ARHGEF6: variants seen among roughly 807,000 people sequenced by gnomAD.
The protein encoded by ARHGEF6 is Rac/Cdc42 guanine nucleotide exchange factor 6.
A neutral mutation model predicts 70.3 loss-of-function variants in ARHGEF6; 9 were observed. The ratio of observed to expected loss-of-function variants is 0.13; its 90% CI spans 0.08 to 0.22. ARHGEF6 has a LOEUF of 0.22. Among genes scored for constraint, ARHGEF6 ranks in the 10% least tolerant of loss-of-function variants. The pLI is 1.00. For missense variants in ARHGEF6, 470 were observed against 563.0 expected (o/e 0.83, Z 1.67); for synonymous variants, 201 against 207.8 (o/e 0.97, Z 0.28).
In ARHGEF6 at chrX:136,668,512, TTTC is replaced by T. The variant is rs546433801; in HGVS notation, c.2191-346_2191-344del. ...CACAATCTCAACTGTCAGCCTGGTA[TTTC>T]TTCTTCTTCTTCTTCTTCTTATTAT... On this transcript the variant is annotated intron_variant, in intron 21 of 21. Coordinates refer to ENST00000250617, the MANE Select transcript of ARHGEF6 (RefSeq NM_004840.3). Among the ~76,000 whole-genome samples, 270 of 98,370 alleles carry T rather than the reference TTTC, an allele frequency of 2.7e-3. 1 individual carries two copies. The highest frequency in any genetic ancestry group is 8.6e-3 in the African/African-American group (211 of 24,597). The allele number at this position is 98,370 out of a possible 115,157, so 85.4% of individuals were successfully genotyped here. A position where few individuals can be genotyped will look rare whatever the true frequency, so the allele number is the denominator to read the frequency against.
At chrX:136,671,181 A>T in intron 20 of ARHGEF6, among the ~76,000 whole-genome samples, 1 of 112,332 alleles carries the variant, frequency 8.9e-6, no homozygotes, top group East Asian at 2.8e-4. Context: ...AGATGAGGAA[A>T]CTGAGGCACA....
At chrX:136,756,386 A>G (rs2077207581) in intron 2 of ARHGEF6, among the ~76,000 whole-genome samples, 1 of 111,773 alleles carries the variant, frequency 8.9e-6, no homozygotes, top group African/African-American at 3.3e-5. Flanking sequence ...TGCCATCACA[A>G]AGCACCATGA....
At chrX:136,699,076 G>A (rs1311306817) in intron 9 of ARHGEF6, among the ~76,000 whole-genome samples, 1 of 111,514 alleles carries the variant, frequency 9.0e-6, no homozygotes, top group East Asian at 2.8e-4. Context: ...AATAGAAATG[G>A]TAAATAAGAA....
chrX:136,764,050 T>G (rs1343338793), intron 2 of ARHGEF6, among the ~76,000 whole-genome samples: 1 of 111,128 alleles, frequency 9.0e-6, no homozygotes, highest in African/African-American at 3.3e-5. Flanking sequence ...GGTATCTCCT[T>G]CTGTATGGTT....
intron 6 of ARHGEF6, among the ~76,000 whole-genome samples, chrX:136,730,701 G>A (rs1284469045): frequency 8.9e-6 from 1 of 112,055 alleles, no homozygotes; most frequent in Non-Finnish European, 1.9e-5. Flanking sequence ...ATGCAGAATT[G>A]TCTATTACAG....
intron 2 of ARHGEF6, chrX:136,767,155 G>T (rs1367129137): frequency 2.7e-6 from 2 of 753,587 alleles, no homozygotes; most frequent in Non-Finnish European, 3.1e-6. Context: ...TGGCTCGGCC[G>T]CTGCCCGCCT....
chrX:136,679,439 C>T, intron 16 of ARHGEF6, 96 bp downstream of exon 16: 1 of 1,030,529 alleles, frequency 9.7e-7, no homozygotes, highest in Non-Finnish European at 1.4e-6. Flanking sequence ...ATAATACCAT[C>T]TATCTTAAAT....
At chrX:136,701,770 C>A (rs771263497) in intron 9 of ARHGEF6, among the ~76,000 whole-genome samples, 50 of 98,029 alleles carry the variant, frequency 5.1e-4, no homozygotes, top group African/African-American at 1.8e-3. Context: ...TGCAGTGGCG[C>A]CATCTTGGCT....
At chrX:136,742,573 G>A (rs1878849815) in intron 5 of ARHGEF6, among the ~76,000 whole-genome samples, 1 of 111,676 alleles carries the variant, frequency 9.0e-6, no homozygotes, top group Admixed American at 9.5e-5. Flanking sequence ...TATTGTGAGG[G>A]ACATATTCTT....
chrX:136,763,941 T>C (rs1010934639), intron 2 of ARHGEF6, among the ~76,000 whole-genome samples: 7 of 111,647 alleles, frequency 6.3e-5, no homozygotes, highest in African/African-American at 2.0e-4. Flanking sequence ...ACGAGCAGTA[T>C]AAAGGTAGCT....
chrX:136,678,681 C>A (rs1455895601), intron 16 of ARHGEF6, among the ~76,000 whole-genome samples: 1 of 111,644 alleles, frequency 9.0e-6, no homozygotes, highest in African/African-American at 3.3e-5. Flanking sequence ...GCTAAGTCTG[C>A]ATCACTCATC....
At chrX:136,740,131 C>A (rs2077028048) in intron 5 of ARHGEF6, among the ~76,000 whole-genome samples, 1 of 111,284 alleles carries the variant, frequency 9.0e-6, no homozygotes, top group Non-Finnish European at 1.9e-5. Context: ...GCCTTAGCCT[C>A]CCAAGTAGCT....
At chrX:136,752,446 C>G (rs1400630845) in intron 2 of ARHGEF6, among the ~76,000 whole-genome samples, 1 of 112,248 alleles carries the variant, frequency 8.9e-6, no homozygotes, top group Non-Finnish European at 1.9e-5. Context: ...GATTACAGAA[C>G]CAAGCTAAAA....
At chrX:136,772,461 G>A (rs1395494586) in intron 2 of ARHGEF6, among the ~76,000 whole-genome samples, 5 of 112,416 alleles carry the variant, frequency 4.4e-5, no homozygotes, top group Admixed American at 3.8e-4. Flanking sequence ...CACTCTCCAT[G>A]ATGGGATTAT....
intron 6 of ARHGEF6, among the ~76,000 whole-genome samples, chrX:136,715,333 G>A (rs946823561): frequency 9.0e-6 from 1 of 110,957 alleles, no homozygotes; most frequent in African/African-American, 3.3e-5. Flanking sequence ...CTCATGGGGT[G>A]CAGTTAAACA....
At chrX:136,706,109 CCTGTCCTACAGTTTT>C (rs1239424326) in intron 9 of ARHGEF6, among the ~76,000 whole-genome samples, 1 of 111,770 alleles carries the variant, frequency 8.9e-6, no homozygotes, top group East Asian at 2.8e-4. Context: ...TGTCACTAAG[CCTGTCCTACAGTTTT>C]CTGGCCCAGA....
At chrX:136,726,540 G>A (rs574655096) in intron 6 of ARHGEF6, among the ~76,000 whole-genome samples, 4 of 112,186 alleles carry the variant, frequency 3.6e-5, no homozygotes, top group African/African-American at 1.3e-4. Flanking sequence ...GAGGTAGATA[G>A]ATGAGTGAGA....
chrX:136,780,507 A>G (rs2077438937), intron 1 of ARHGEF6, among the ~76,000 whole-genome samples: 1 of 112,135 alleles, frequency 8.9e-6, no homozygotes, highest in African/African-American at 3.2e-5. Flanking sequence ...GGTTTTCCCT[A>G]TACTACAATT....
At chrX:136,747,695 A>G (rs2077110039) in intron 2 of ARHGEF6, 103 bp from the exon 3 acceptor site, 1 of 545,514 alleles carries the variant, frequency 1.8e-6, no homozygotes, top group Non-Finnish European at 3.0e-6. Context: ...AAAAAAAAAA[A>G]AAAAAAAAAA....
Sources: gnomAD v4.1 joint callset for allele counts (sites outside exome capture counted in the v4.1 genomes callset) on GRCh38, gnomAD v4.1.1 for gene constraint, MANE v1.5 for transcripts, NCBI Gene and HGNC (gene_info 2026-07-23, HGNC 2026-07-21) for gene names.